ERBB2: variants seen among roughly 807,000 people sequenced by gnomAD.
The protein encoded by ERBB2 is erb-b2 receptor tyrosine kinase 2.
Under a neutral mutation model 149.0 loss-of-function variants are expected in ERBB2, and 61 were observed. The ratio of observed to expected loss-of-function variants is 0.41; its 90% CI spans 0.33 to 0.51. The LOEUF is 0.51. Ranked by LOEUF, ERBB2 falls within the 20% of genes least tolerant of loss-of-function variation. ERBB2 has a pLI of 0.25. For missense variants in ERBB2, 1,205 were observed against 1,655.1 expected (o/e 0.73, Z 4.72); for synonymous variants, 633 against 678.8 (o/e 0.93, Z 1.05).
intron 1 of ERBB2, among the ~76,000 whole-genome samples, chr17:39,705,655 C>T (rs2058381296): frequency 6.6e-6 from 1 of 152,210 alleles, no homozygotes; most frequent in Admixed American, 6.5e-5. Flanking sequence ...TGGCCACTGG[C>T]CACTGGCCCA....
chr17:39,727,245 A>C lies in ERBB2; in HGVS notation c.3160-50A>C, dbSNP rs1258287382. On this transcript the variant is annotated intron_variant, in intron 25 of 26. Coordinates refer to ENST00000269571, the MANE Select transcript of ERBB2 (RefSeq NM_004448.4). This position sits in a 1 kb window ranked among gnomAD's most constrained non-coding sequence, Gnocchi z 4.3. ...CCCTGTCACCTTCCATGGAGTCCCC[A>C]TCCCAGATCCGTGAGTGACCCCCAT... The C allele has an allele frequency of 1.2e-6, 2 of 1,600,306 alleles. No individual in the cohort carries two copies. The highest frequency in any genetic ancestry group is 1.1e-5 in the South Asian group (1 of 89,496).
Position 39,725,515 on chromosome 17 carries a change from G to T in ERBB2, c.2725+113G>T. The stretch of plus-strand genomic sequence containing the variant: ...ACCTCAGCATGTGAAGGGAGGGAAG[G>T]GGCTGCCTGTGCCCCACCTTGCAGG... On this transcript the variant is annotated intron_variant, in intron 22 of 26. Coordinates refer to ENST00000269571, the MANE Select transcript of ERBB2 (RefSeq NM_004448.4). This position sits in a 1 kb window ranked among gnomAD's most constrained non-coding sequence, Gnocchi z 4.6. 7.8e-7 allele frequency: 1 copy of T among 1,276,852 alleles called. No individual in the cohort carries two copies. Among genetic ancestry groups the T allele is most frequent in the Non-Finnish European group, 1.1e-6 (1 of 897,804 alleles). 79.1% of individuals were successfully genotyped at this position (1,276,852 alleles called of 1,614,324 possible). A position where few individuals can be genotyped will look rare whatever the true frequency, so the allele number is the denominator to read the frequency against.
In ERBB2 at chr17:39,717,448, A is replaced by G. The variant is rs753325392; in HGVS notation, c.1866A>G (p.Ala622=). The change falls in exon 15 of 27, where the codon GCA becomes GCG. Residue 622 remains alanine, a synonymous_variant. Coordinates refer to ENST00000269571, the MANE Select transcript of ERBB2 (RefSeq NM_004448.4). ...PIWKFPDEEG[A]CQPCPINCTH... ...GGAAGTTTCCAGATGAGGAGGGCGC[A>G]TGCCAGCCTTGCCCCATCAACTGCA... 1.9e-6 allele frequency: 3 copies of G among 1,613,364 alleles called. No individual in the cohort carries two copies. The highest frequency in any genetic ancestry group is 1.1e-5 in the South Asian group (1 of 91,028).
chr17:39,701,448 A>T (rs1303927846), intron 1 of ERBB2, among the ~76,000 whole-genome samples: 2 of 152,068 alleles, frequency 1.3e-5, no homozygotes, highest in Admixed American at 6.5e-5. Flanking sequence ...CACCTGGAGC[A>T]ATGAGGGACA....
chr17:39,723,776 C>T lies in ERBB2; in HGVS notation c.2208+116C>T. ...GCTGGAGGCAGTGTTTGGGGGAGGG[C>T]AGTTACAGCGGAGAAGGGAGCGGGG... On this transcript the variant is annotated intron_variant, in intron 18 of 26. Coordinates refer to ENST00000269571, the MANE Select transcript of ERBB2 (RefSeq NM_004448.4). The surrounding 1 kb of genome is among the most constrained non-coding windows in gnomAD (Gnocchi z 6.2). 3.3e-6 allele frequency: 5 copies of T among 1,503,280 alleles called. No individual in the cohort carries two copies. The highest frequency in any genetic ancestry group is 4.5e-6 in the Non-Finnish European group (5 of 1,107,996). The allele number at this position is 1,503,280 out of a possible 1,614,324, so 93.1% of individuals were successfully genotyped here. A position where few individuals can be genotyped will look rare whatever the true frequency, so the allele number is the denominator to read the frequency against.
rs2059777798 is a variant in ERBB2, at chr17:39,726,577, C to G, written c.2888C>G (p.Ser963Cys). 6.2e-7 allele frequency: 1 copy of G among 1,614,142 alleles called. No individual in the cohort carries two copies. The highest frequency in any genetic ancestry group is 1.3e-5 in the African/African-American group (1 of 75,036). Residue 963 changes from serine to cysteine, a missense_variant, in exon 24 of 27, where the codon TCT (serine) becomes TGT (cysteine). Ser to Cys is a moderately radical substitution (Grantham distance 112, BLOSUM62 -1). Coordinates refer to ENST00000269571, the MANE Select transcript of ERBB2 (RefSeq NM_004448.4). This position sits in a 1 kb window ranked among gnomAD's most constrained non-coding sequence, Gnocchi z 5.1. ...MIMVKCWMID[S>C]ECRPRFRELV... The stretch of plus-strand genomic sequence containing the variant: ...CCTGCCCCAGGTTGGATGATTGACT[C>G]TGAATGTCGGCCAAGATTCCGGGAG...
chr17:39,700,524 A>T (rs2058036559), intron 1 of ERBB2, among the ~76,000 whole-genome samples: 2 of 152,316 alleles, frequency 1.3e-5, no homozygotes, highest in South Asian at 4.1e-4. Context: ...GGCCCATCCA[A>T]GAGACTGGCG....
intron 15 of ERBB2, among the ~76,000 whole-genome samples, chr17:39,717,923 C>T (rs1192405908): frequency 6.6e-6 from 1 of 152,130 alleles, no homozygotes; most frequent in Non-Finnish European, 1.5e-5. Context: ...AAGCAATTCT[C>T]CTGCTTCCGC....
At chr17:39,696,988 C>T (rs990345445), upstream of ERBB2, among the ~76,000 whole-genome samples, 3 of 152,164 alleles carry the variant, frequency 2.0e-5, no homozygotes, top group Admixed American at 6.5e-5. Context: ...ATCCTCTTCC[C>T]GCAGGGCTGT....
Position 39,712,357 on chromosome 17 carries a change from G to A in ERBB2, c.1057G>A (p.Val353Met), listed in dbSNP as rs769082334. The A allele has an allele frequency of 1.9e-6, 3 of 1,614,042 alleles. No individual in the cohort carries two copies. The highest frequency in any genetic ancestry group is 2.2e-5 in the South Asian group (2 of 91,018). ...TCTGGGCATGGAGCACTTGCGAGAG[G>A]TGAGGGCAGTTACCAGTGCCAATAT... The part of the protein sequence containing the change: ...YGLGMEHLRE[V>M]RAVTSANIQE... The change falls in exon 9 of 27, where the codon GTG becomes ATG. Residue 353 changes from valine (V) to methionine (M), a missense_variant. By Grantham distance (21) the Val-to-Met change is conservative. This residue lies in a region of ERBB2 where 569 missense variants were observed against 803.5 expected (regional missense o/e 0.71). Transcript: ENST00000269571.
chr17:39,694,309 A>G (rs2057809192), upstream of ERBB2, among the ~76,000 whole-genome samples: 1 of 128,514 alleles, frequency 7.8e-6, no homozygotes, highest in East Asian at 2.1e-4. Flanking sequence ...ATGTGTATAT[A>G]TATATACACA....
In ERBB2 at chr17:39,726,742, T is replaced by C; in HGVS notation, c.2971-73T>C. On this transcript the variant is annotated intron_variant, in intron 24 of 26. Coordinates refer to ENST00000269571, the MANE Select transcript of ERBB2 (RefSeq NM_004448.4). This position sits in a 1 kb window ranked among gnomAD's most constrained non-coding sequence, Gnocchi z 5.1. ...GTGGGAAGGAGAGATGAGTCCAGTA[T>C]GCCAGGCCCCTCACGGAAGGCTGCA... 6.3e-7 allele frequency: 1 copy of C among 1,589,544 alleles called. No homozygotes were observed. Among genetic ancestry groups the C allele is most frequent in the Non-Finnish European group, 8.6e-7 (1 of 1,157,802 alleles).
Position 39,725,602 on chromosome 17 carries a change from T to C in ERBB2, c.2726-105T>C. ...AGGGTCTGTCTCCTGGCATCACATC[T>C]CCCCCTGCTACCTGCCATGATGCTA... On this transcript the variant is annotated intron_variant, in intron 22 of 26. Coordinates refer to ENST00000269571, the MANE Select transcript of ERBB2 (RefSeq NM_004448.4). This position sits in a 1 kb window ranked among gnomAD's most constrained non-coding sequence, Gnocchi z 4.6. The C allele has an allele frequency of 7.5e-7, 1 of 1,334,160 alleles. No individual in the cohort carries two copies. Among genetic ancestry groups the C allele is most frequent in the Non-Finnish European group, 1.0e-6 (1 of 962,882 alleles). 82.6% of individuals were successfully genotyped at this position (1,334,160 alleles called of 1,614,324 possible). A position where few individuals can be genotyped will look rare whatever the true frequency, so the allele number is the denominator to read the frequency against.
chr17:39,689,900 CAAAAAAAAAAA>C (rs77805136), intron 2 of ERBB2, among the ~76,000 whole-genome samples: 7 of 47,470 alleles, frequency 1.5e-4, no homozygotes, highest in Non-Finnish European at 1.3e-4. Flanking sequence ...GAGCGAAACT[CAAAAAAAAAAA>C]AAAAAAGAAA....
In ERBB2 at chr17:39,725,308, TC is replaced by T; in HGVS notation, c.2650-17del. On this transcript the variant is annotated intron_variant, in intron 21 of 26. Coordinates refer to ENST00000269571, the MANE Select transcript of ERBB2 (RefSeq NM_004448.4). This position sits in a 1 kb window ranked among gnomAD's most constrained non-coding sequence, Gnocchi z 4.6. ...CCCCACAACACACAGTTGGAGGACT[TC>T]CTCTTCTGCCCTCCCAGGTGCCCAT... The T allele has an allele frequency of 6.2e-7, 1 of 1,613,688 alleles. No individual in the cohort carries two copies. The highest frequency in any genetic ancestry group is 8.5e-7 in the Non-Finnish European group (1 of 1,179,792).
intron 16 of ERBB2, 141 bp downstream of exon 16, chr17:39,719,975 T>A: frequency 1.3e-6 from 1 of 778,312 alleles, no homozygotes; most frequent in Non-Finnish European, 2.2e-6. Context: ...CCTGTCATTT[T>A]CCACTTCACC....
Position 39,707,107 on chromosome 17 carries a change from A to G in ERBB2, c.191A>G (p.Tyr64Cys). Residue 64 changes from tyrosine to cysteine, a missense_variant, in exon 2 of 27, where the codon TAC becomes TGC. Physicochemically the swap from Tyr to Cys is radical, Grantham distance 194 (BLOSUM62 -2). Transcript: ENST00000269571. Reference protein sequence around the residue: ...QVVQGNLELTYLPTNASLSFL... With the variant: ...QVVQGNLELTCLPTNASLSFL... ...GTGCAGGGAAACCTGGAACTCACCTACCTGCCCACCAATGCCAGCCTGTCC... is the reference window on the plus strand; with the variant it reads ...GTGCAGGGAAACCTGGAACTCACCTGCCTGCCCACCAATGCCAGCCTGTCC... 1.3e-6 allele frequency: 2 copies of G among 1,599,626 alleles called. No individual in the cohort carries two copies. The highest frequency in any genetic ancestry group is 1.1e-5 in the South Asian group (1 of 89,124).
intron 1 of ERBB2, among the ~76,000 whole-genome samples, chr17:39,706,248 G>T (rs1360265706): frequency 6.6e-6 from 1 of 152,236 alleles, no homozygotes; most frequent in Non-Finnish European, 1.5e-5. Context: ...CTGCCAGCTG[G>T]TTCTGGAGTC....
At chr17:39,688,837 AT>A (rs1285370745) in intron 2 of ERBB2, 1 of 152,398 alleles carries the variant, frequency 6.6e-6, no homozygotes, top group Non-Finnish European at 1.5e-5. Flanking sequence ...CTTCTGTTTA[AT>A]GAATGAACAG....
Sources: gnomAD v4.1 joint callset for allele counts (sites outside exome capture counted in the v4.1 genomes callset) on GRCh38, gnomAD v4.1.1 for gene constraint, gnomAD v4.1.1 regional missense constraint, Gnocchi (gnomAD v3.1) non-coding constraint, MANE v1.5 for transcripts, NCBI Gene and HGNC (gene_info 2026-07-23, HGNC 2026-07-21) for gene names.